The following CNTN5 variants were observed in gnomAD, a reference collection of about 807,000 sequenced individuals.
CNTN5 encodes the protein contactin 5.
Under a neutral mutation model 129.1 loss-of-function variants are expected in CNTN5, and 77 were observed. The ratio of observed to expected loss-of-function variants is 0.60; its 90% CI spans 0.50 to 0.72. The LOEUF (loss-of-function observed/expected upper bound fraction) is 0.72. Ranked by LOEUF, CNTN5 falls within the 30% of genes least tolerant of loss-of-function variation. The probability of loss-of-function intolerance (pLI) is 0.00; values close to 1 mark genes in which losing one functional copy is unlikely to be tolerated. For missense variants in CNTN5, 1,478 were observed against 1,328.8 expected, an observed-to-expected ratio of 1.11 and a Z score of -1.75; for synonymous variants, 509 against 465.6, an observed-to-expected ratio of 1.09 and a Z score of -1.20.
At chr11:99,144,226 T>C (rs942518004) in intron 1 of CNTN5, among the ~76,000 whole-genome samples, 1 of 152,194 alleles carries the variant, frequency 6.6e-6, no homozygotes, top group African/African-American at 2.4e-5. Context: ...AAATTGAGAA[T>C]TTGAATTAAG....
At chr11:99,932,249 A>G (rs976581901) in intron 7 of CNTN5, among the ~76,000 whole-genome samples, 7 of 152,056 alleles carry the variant, frequency 4.6e-5, no homozygotes, top group Admixed American at 1.3e-4. Context: ...CTGGAGTTCA[A>G]TGGGTCGATC....
chr11:100,331,685 T>C (rs1410400194), intron 21 of CNTN5, among the ~76,000 whole-genome samples: 1 of 152,140 alleles, frequency 6.6e-6, no homozygotes, highest in African/African-American at 2.4e-5. Flanking sequence ...AAAGGAATCC[T>C]CAAAACCATG....
intron 3 of CNTN5, among the ~76,000 whole-genome samples, chr11:99,633,694 C>G (rs1416212346): frequency 6.6e-6 from 1 of 152,110 alleles, no homozygotes; most frequent in African/African-American, 2.4e-5. Context: ...TATAAAGCCA[C>G]AAAAGAAAAG....
At chr11:100,259,248 A>G (rs1193741953) in intron 17 of CNTN5, among the ~76,000 whole-genome samples, 1 of 152,314 alleles carries the variant, frequency 6.6e-6, no homozygotes, top group Admixed American at 6.5e-5. Flanking sequence ...AGAGCTAACT[A>G]TCCTAAATAT....
At chr11:99,262,092 T>C (rs1161494979) in intron 1 of CNTN5, among the ~76,000 whole-genome samples, 5 of 152,154 alleles carry the variant, frequency 3.3e-5, no homozygotes, top group African/African-American at 9.6e-5. Flanking sequence ...TTTCCTCCTC[T>C]CAATATTTCC....
At chr11:99,765,222 T>C (rs1944712952) in intron 3 of CNTN5, among the ~76,000 whole-genome samples, 1 of 152,056 alleles carries the variant, frequency 6.6e-6, no homozygotes, top group Non-Finnish European at 1.5e-5. Context: ...ATATAAAGTA[T>C]ATTCAATTTT....
At chr11:99,555,406 A>G (rs766507086) in intron 2 of CNTN5, among the ~76,000 whole-genome samples, 1 of 152,028 alleles carries the variant, frequency 6.6e-6, no homozygotes, top group Non-Finnish European at 1.5e-5. Flanking sequence ...CAGAAAGTTT[A>G]GTGTCAGAAT....
chr11:100,318,007 C>T (rs561280301), intron 21 of CNTN5, among the ~76,000 whole-genome samples: 36 of 151,846 alleles, frequency 2.4e-4, no homozygotes, highest in Admixed American at 6.6e-4. Flanking sequence ...TTTGGGAGGC[C>T]CAGATGGGCG....
intron 9 of CNTN5, among the ~76,000 whole-genome samples, chr11:100,046,170 G>C (rs1371668359): frequency 1.3e-5 from 2 of 151,666 alleles, no homozygotes; most frequent in East Asian, 3.9e-4. Flanking sequence ...ATAGCTTTAG[G>C]AGATATACCT....
intron 4 of CNTN5, among the ~76,000 whole-genome samples, chr11:99,839,453 G>A (rs73557538): frequency 0.017 from 2,616 of 151,934 alleles, 77 homozygotes; most frequent in African/African-American, 0.06. Flanking sequence ...TTGTATGGGA[G>A]GACCATTGAA....
At chr11:99,645,262 CAAAA>C (rs71050011) in intron 3 of CNTN5, among the ~76,000 whole-genome samples, 4 of 47,488 alleles carry the variant, frequency 8.4e-5, no homozygotes, top group African/African-American at 2.0e-4. Flanking sequence ...TCCATCTCAA[CAAAA>C]AAAAAAAAAA....
At chr11:100,284,875 AG>A (rs1465114452) in intron 18 of CNTN5, among the ~76,000 whole-genome samples, 1 of 152,214 alleles carries the variant, frequency 6.6e-6, no homozygotes, top group Non-Finnish European at 1.5e-5. Flanking sequence ...TATCTTTTAA[AG>A]AAAAAGAAAT....
At chr11:99,616,970 G>A (rs1450910093) in intron 3 of CNTN5, among the ~76,000 whole-genome samples, 2 of 152,158 alleles carry the variant, frequency 1.3e-5, no homozygotes, top group African/African-American at 4.8e-5. Flanking sequence ...AATTAGCTGG[G>A]CGTGGTGGCA....
chr11:99,232,625 C>G (rs535038833), intron 1 of CNTN5, among the ~76,000 whole-genome samples: 3 of 152,256 alleles, frequency 2.0e-5, no homozygotes, highest in Admixed American at 6.5e-5. Context: ...TCCTGTCTTC[C>G]TATTCGAATG....
intron 9 of CNTN5, among the ~76,000 whole-genome samples, chr11:100,033,532 C>T (rs1941828889): frequency 6.6e-6 from 1 of 152,190 alleles, no homozygotes; most frequent in Non-Finnish European, 1.5e-5. Context: ...CCCCTGTCTT[C>T]ACCTCTTACC....
intron 3 of CNTN5, among the ~76,000 whole-genome samples, chr11:99,651,439 T>C (rs993436196): frequency 6.6e-6 from 1 of 151,892 alleles, no homozygotes; most frequent in African/African-American, 2.4e-5. Context: ...TTCTAATCTG[T>C]GGGTAGGCAA....
At chr11:100,234,801 A>T (rs1949574728) in intron 16 of CNTN5, among the ~76,000 whole-genome samples, 2 of 148,406 alleles carry the variant, frequency 1.3e-5, no homozygotes, top group Admixed American at 1.3e-4. Flanking sequence ...TTAAAAAAAA[A>T]AAAAAAAAAA....
Position 100,223,596 on chromosome 11 carries a change from C to G in CNTN5, c.1885-1096C>G, listed in dbSNP as rs549543972. On this transcript the variant is annotated intron_variant, in intron 15 of 24. Transcript: ENST00000524871. ...CTGACTACTAAGAACAAACACATCACTTTTTAAAGGTCTGTAATCTGGGAT... is the reference window on the plus strand; with the variant it reads ...CTGACTACTAAGAACAAACACATCAGTTTTTAAAGGTCTGTAATCTGGGAT... 2.6e-5 allele frequency among the ~76,000 whole-genome samples: 4 copies of G among 152,052 alleles called. No individual in the cohort carries two copies. In the South Asian group the frequency reaches 6.2e-4, roughly 24 times the overall value.
chr11:99,734,957 G>T (rs181910815), intron 3 of CNTN5, among the ~76,000 whole-genome samples: 145 of 152,336 alleles, frequency 9.5e-4, no homozygotes, highest in Admixed American at 3.3e-3. Context: ...GCAGTGAGCC[G>T]AGATAGCACC....
Sources: gnomAD v4.1 joint callset for allele counts (sites outside exome capture counted in the v4.1 genomes callset) on GRCh38, gnomAD v4.1.1 for gene constraint, MANE v1.5 for transcripts, NCBI Gene and HGNC (gene_info 2026-07-23, HGNC 2026-07-21) for gene names.